PLA2G4A: variants seen among roughly 807,000 people sequenced by gnomAD.
PLA2G4A encodes cytosolic phospholipase A2.
PLA2G4A carries 40 observed loss-of-function variants against 81.9 expected under a neutral mutation model. The ratio of observed to expected loss-of-function variants is 0.49; its 90% CI spans 0.38 to 0.64. The LOEUF (loss-of-function observed/expected upper bound fraction) is 0.64, where lower values mean the gene tolerates loss of function less well. PLA2G4A is among the 30% of genes least tolerant of loss of function. The pLI is 0.00. For synonymous variants in PLA2G4A, 302 were observed against 296.9 expected (o/e 1.02, Z -0.18); for missense variants, 715 against 905.1 (o/e 0.79, Z 2.69).
intron 15 of PLA2G4A, among the ~76,000 whole-genome samples, chr1:186,975,581 T>C (rs140769540): frequency 4.6e-5 from 7 of 152,364 alleles, no homozygotes; most frequent in Non-Finnish European, 1.0e-4. Flanking sequence ...ATTAGCTTTA[T>C]TTTACAGAGG....
rs1283852385 is a variant in PLA2G4A at position 186,900,470 on chromosome 1, T to TGGA, written c.378+6259_378+6260insGGA. Among the ~76,000 whole-genome samples, 120 of 152,346 alleles carry TGGA rather than the reference T, an allele frequency of 7.9e-4. 2 individuals are homozygous for TGGA. In the South Asian group the frequency reaches 0.025, roughly 31 times the overall value. On this transcript the variant is annotated intron_variant, in intron 5 of 17. Transcript: ENST00000367466. Reference sequence around the variant, plus strand: ...TGATTTAACTGGATATCAAACATACTTATTTGTTTGAACTTACTGACCAAA... The same window carrying TGGA: ...TGATTTAACTGGATATCAAACATACTGGATATTTGTTTGAACTTACTGACCAAA...
At chr1:186,975,660 A>G (rs1426852168) in intron 15 of PLA2G4A, among the ~76,000 whole-genome samples, 1 of 152,210 alleles carries the variant, frequency 6.6e-6, no homozygotes, top group Non-Finnish European at 1.5e-5. Context: ...GGAGCCTGCT[A>G]TGTCAGGGAT....
rs1558364283 is a variant in PLA2G4A at position 186,854,329 on chromosome 1, A to G, written c.-26A>G. 8 of 1,459,818 alleles carry G rather than the reference A, an allele frequency of 5.5e-6. No individual in the cohort carries two copies. The highest frequency in any genetic ancestry group is 6.7e-6 in the Non-Finnish European group (7 of 1,040,438). 90.4% of individuals were successfully genotyped at this position (1,459,818 alleles called of 1,614,324 possible). The stretch of plus-strand genomic sequence containing the variant: ...TGCCAAAGAAGACTTTGAAGTGTGA[A>G]AACATTTCCTGTAATTGAAACCAAA... On this transcript the variant is annotated 5_prime_UTR_variant, in exon 2 of 18. Coordinates refer to ENST00000367466, the MANE Select transcript of PLA2G4A (RefSeq NM_024420.3).
At chr1:186,851,355 T>A (rs1334181424) in intron 1 of PLA2G4A, among the ~76,000 whole-genome samples, 2 of 151,500 alleles carry the variant, frequency 1.3e-5, no homozygotes, top group Non-Finnish European at 1.5e-5. Context: ...ATCATATGCA[T>A]AGAACGCTTC....
At chr1:186,870,873 A>G in intron 3 of PLA2G4A, 2 of 546,458 alleles carry the variant, frequency 3.7e-6, no homozygotes, top group Non-Finnish European at 6.5e-6. Context: ...GGATCTTTGA[A>G]CGATAACATT....
intron 2 of PLA2G4A, among the ~76,000 whole-genome samples, chr1:186,862,306 C>T (rs931804615): frequency 2.7e-4 from 40 of 150,276 alleles, no homozygotes; most frequent in African/African-American, 9.8e-4. Flanking sequence ...CCTCTGCCTC[C>T]CGGGTTCAAG....
chr1:186,838,132 T>G (rs1651855778), intron 1 of PLA2G4A, among the ~76,000 whole-genome samples: 2 of 152,146 alleles, frequency 1.3e-5, no homozygotes, highest in East Asian at 1.9e-4. Context: ...CCAAAGAAAT[T>G]TAGAAAGATG....
chr1:186,900,212 C>T (rs1273109821), intron 5 of PLA2G4A, among the ~76,000 whole-genome samples: 3 of 152,128 alleles, frequency 2.0e-5, no homozygotes, highest in Non-Finnish European at 2.9e-5. Context: ...TACTTATTAA[C>T]CATGTGATGG....
intron 5 of PLA2G4A, among the ~76,000 whole-genome samples, chr1:186,905,886 A>C (rs1383712702): frequency 6.6e-6 from 1 of 152,240 alleles, no homozygotes; most frequent in East Asian, 1.9e-4. Flanking sequence ...AAAATTCAGC[A>C]CTGAGAATCA....
At chr1:186,900,572 G>T (rs2102129957) in intron 5 of PLA2G4A, among the ~76,000 whole-genome samples, 1 of 152,254 alleles carries the variant, frequency 6.6e-6, no homozygotes, top group Admixed American at 6.5e-5. Flanking sequence ...TTCAGAATGT[G>T]CCAGTCACTC....
chr1:186,859,092 C>A (rs1333537764), intron 2 of PLA2G4A, among the ~76,000 whole-genome samples: 1 of 152,112 alleles, frequency 6.6e-6, no homozygotes, highest in Non-Finnish European at 1.5e-5. Context: ...GTAATGAGCT[C>A]TTGGTGCCAA....
At chr1:186,886,119 C>A (rs1253560017) in intron 3 of PLA2G4A, among the ~76,000 whole-genome samples, 1 of 152,022 alleles carries the variant, frequency 6.6e-6, no homozygotes, top group Non-Finnish European at 1.5e-5. Context: ...CAGTATAATC[C>A]TGAAGATATT....
chr1:186,830,839 A>G (rs1463242273), intron 1 of PLA2G4A, among the ~76,000 whole-genome samples: 1 of 152,064 alleles, frequency 6.6e-6, no homozygotes, highest in Non-Finnish European at 1.5e-5. Context: ...TGTTCCAGGA[A>G]TAAAAAAGAG....
chr1:186,923,605 G>A (rs369379487), intron 7 of PLA2G4A, among the ~76,000 whole-genome samples: 12 of 152,314 alleles, frequency 7.9e-5, no homozygotes, highest in South Asian at 6.2e-4. Context: ...TAATAAAGAG[G>A]TGTGAACTGA....
At chr1:186,975,241 C>T (rs1045049322) in intron 15 of PLA2G4A, among the ~76,000 whole-genome samples, 1 of 152,166 alleles carries the variant, frequency 6.6e-6, no homozygotes, top group East Asian at 1.9e-4. Flanking sequence ...TCTCAAGTTT[C>T]AAACAAGAAA....
At chr1:186,897,904 G>T (rs1243112946) in intron 5 of PLA2G4A, among the ~76,000 whole-genome samples, 2 of 152,150 alleles carry the variant, frequency 1.3e-5, no homozygotes, top group Non-Finnish European at 2.9e-5. Flanking sequence ...TAATGGTCCT[G>T]TCATCCAAGT....
At position 186,870,674 on chromosome 1, in the gene PLA2G4A, A is replaced by G. The variant is rs765139831; in HGVS notation, c.115+158A>G. 10 of 1,408,174 alleles carry G rather than the reference A, an allele frequency of 7.1e-6. No homozygotes were observed. In the East Asian group the frequency reaches 7.5e-5, roughly 11 times the overall value. 87.2% of individuals were successfully genotyped at this position (1,408,174 alleles called of 1,614,324 possible). ...ACATTTCAAACAGTTCTCTGATGCTATCTGTCAGATTAGCATTTTACCTGG... is the reference window on the plus strand; with the variant it reads ...ACATTTCAAACAGTTCTCTGATGCTGTCTGTCAGATTAGCATTTTACCTGG... On this transcript the variant is annotated intron_variant, in intron 3 of 17. Coordinates refer to ENST00000367466, the MANE Select transcript of PLA2G4A (RefSeq NM_024420.3).
chr1:186,873,107 G>A (rs536290915), intron 3 of PLA2G4A, among the ~76,000 whole-genome samples: 1 of 148,512 alleles, frequency 6.7e-6, no homozygotes, highest in Non-Finnish European at 1.5e-5. Context: ...GAACATGAAG[G>A]AGTGTTAGAG....
At chr1:186,922,013 G>A (rs962120488) in intron 7 of PLA2G4A, among the ~76,000 whole-genome samples, 1 of 152,078 alleles carries the variant, frequency 6.6e-6, no homozygotes, top group Non-Finnish European at 1.5e-5. Flanking sequence ...CTATCTCACA[G>A]AAAGTTTTAA....
Sources: gnomAD v4.1 joint callset for allele counts (sites outside exome capture counted in the v4.1 genomes callset) on GRCh38, gnomAD v4.1.1 for gene constraint, MANE v1.5 for transcripts, NCBI Gene and HGNC (gene_info 2026-07-23, HGNC 2026-07-21) for gene names.